NTRK3: variants seen among roughly 807,000 people sequenced by gnomAD.
NTRK3 encodes neurotrophic receptor tyrosine kinase 3.
In NTRK3, 24 loss-of-function variants were observed where a neutral mutation model predicts 91.7. That is an observed-to-expected ratio of 0.26 (90% CI 0.19 to 0.37). NTRK3 has a LOEUF of 0.37. Among genes scored for constraint, NTRK3 ranks in the 10% least tolerant of loss-of-function variants. The pLI is 1.00. For synonymous variants in NTRK3, 483 were observed against 404.0 expected, an observed-to-expected ratio of 1.20 and a Z score of -2.34; for missense variants, 880 against 1,068.9, an observed-to-expected ratio of 0.82 and a Z score of 2.46.
chr15:87,945,088 A>C (rs2070320160), intron 14 of NTRK3, among the ~76,000 whole-genome samples: 1 of 152,338 alleles, frequency 6.6e-6, no homozygotes, highest in East Asian at 1.9e-4. Flanking sequence ...AAGGGGAGGC[A>C]GGGAGGGGGA....
chr15:87,987,493 A>G (rs775409217), intron 14 of NTRK3, among the ~76,000 whole-genome samples: 5 of 151,794 alleles, frequency 3.3e-5, no homozygotes, highest in Non-Finnish European at 5.9e-5. Context: ...CTCTATCTAT[A>G]TATCTAGACA....
intron 14 of NTRK3, chr15:87,981,276 T>G (rs1472354184): frequency 1.3e-6 from 2 of 1,592,430 alleles, no homozygotes; most frequent in Non-Finnish European, 1.7e-6. Context: ...AGGTTCCTCA[T>G]ATATATAGTG....
rs151220799 is a variant in NTRK3, at chr15:88,226,085, C to T, written c.248+29821G>A. 5.3e-3 allele frequency among the ~76,000 whole-genome samples: 803 copies of T among 152,284 alleles called. 7 individuals are homozygous for T. Among genetic ancestry groups the T allele is most frequent in the Non-Finnish European group, 7.4e-3 (504 of 68,024 alleles). ...GTAGGAGTCTTCACTCTGTGATGTC[C>T]CCACTGTGCAACACCAGGCAAGTCC... On this transcript the variant is annotated intron_variant, in intron 3 of 18. Coordinates refer to ENST00000394480, the Ensembl canonical transcript of NTRK3.
At chr15:87,922,694 T>G (rs1420280719) in intron 17 of NTRK3, among the ~76,000 whole-genome samples, 1 of 152,230 alleles carries the variant, frequency 6.6e-6, no homozygotes, top group Non-Finnish European at 1.5e-5. Context: ...ATGTAACCCT[T>G]CTTTAGAAAA....
chr15:87,980,892 T>A lies in NTRK3; in HGVS notation c.1586-40139A>T, dbSNP rs1432512909. On this transcript the variant is annotated intron_variant, in intron 14 of 18. Transcript: ENST00000394480. ...ACAGCATCCCTGCCCTGACCCCAGATAAAGGTTATCTGGGGTATGAAGGAA... is the reference window on the plus strand; with the variant it reads ...ACAGCATCCCTGCCCTGACCCCAGAAAAAGGTTATCTGGGGTATGAAGGAA... Among the ~76,000 whole-genome samples the A allele has an allele frequency of 2.6e-5, 4 of 152,088 alleles. No homozygotes were observed. In the East Asian group the frequency reaches 7.7e-4, roughly 29 times the overall value.
intron 3 of NTRK3, among the ~76,000 whole-genome samples, chr15:88,207,292 T>C (rs139455568): frequency 6.6e-6 from 1 of 152,244 alleles, no homozygotes; most frequent in Non-Finnish European, 1.5e-5. Context: ...ATGAGCTGGG[T>C]GGTGGAACTG....
At chr15:88,073,729 G>T (rs1037127641) in intron 13 of NTRK3, among the ~76,000 whole-genome samples, 3 of 152,120 alleles carry the variant, frequency 2.0e-5, no homozygotes, top group African/African-American at 4.8e-5. Context: ...AGGCAAGAGA[G>T]AAAATCTAAG....
intron 13 of NTRK3, among the ~76,000 whole-genome samples, chr15:88,097,362 G>A (rs1464435925): frequency 2.0e-5 from 3 of 152,132 alleles, no homozygotes; most frequent in Admixed American, 6.5e-5. Flanking sequence ...TTATGTATAT[G>A]TCTACCTGAG....
At chr15:87,944,548 C>A (rs1429539563) in intron 14 of NTRK3, among the ~76,000 whole-genome samples, 6 of 152,166 alleles carry the variant, frequency 3.9e-5, no homozygotes, top group Admixed American at 3.9e-4. Context: ...CAAAGAAGGA[C>A]TCTCTTGTTT....
chr15:87,948,178 C>A lies in NTRK3; in HGVS notation c.1586-7425G>T, dbSNP rs191030761. On this transcript the variant is annotated intron_variant, in intron 14 of 18. Coordinates refer to ENST00000394480, the Ensembl canonical transcript of NTRK3. ...GCCCTTTGTAGGGGTCTCCAGCCAA[C>A]CCAGTCAGTTCTCCACCTGGACAGA... 5.9e-5 allele frequency among the ~76,000 whole-genome samples: 9 copies of A among 152,298 alleles called. No individual in the cohort carries two copies. The East Asian group carries it at 7.7e-4, about 13-fold the overall frequency.
At chr15:88,031,974 G>C (rs909698637) in intron 14 of NTRK3, among the ~76,000 whole-genome samples, 7 of 152,118 alleles carry the variant, frequency 4.6e-5, no homozygotes, top group African/African-American at 1.7e-4. Context: ...GTAAGGTGAG[G>C]CCTCAACCTA....
At chr15:88,007,665 C>T (rs903447444) in intron 14 of NTRK3, among the ~76,000 whole-genome samples, 2 of 152,176 alleles carry the variant, frequency 1.3e-5, no homozygotes, top group African/African-American at 4.8e-5. Context: ...TTGTCTTAAG[C>T]CTGTTTCCAG....
rs2073954729 is a variant in NTRK3, at chr15:87,978,894, G to A, written c.1586-38141C>T. Reference sequence around the variant, plus strand: ...GGTTGCAGGGCGACGAGGTCACTAAGAGGACAGCATGGTATCCTGGGAGAG... The same window carrying A: ...GGTTGCAGGGCGACGAGGTCACTAAAAGGACAGCATGGTATCCTGGGAGAG... On this transcript the variant is annotated intron_variant, in intron 14 of 18. Coordinates refer to ENST00000394480, the Ensembl canonical transcript of NTRK3. 1.1e-5 allele frequency: 3 copies of A among 279,624 alleles called. No individual in the cohort carries two copies. In the East Asian group the frequency reaches 1.6e-4, roughly 15 times the overall value. The allele number at this position is 279,624 out of a possible 1,614,324, so 17.3% of individuals were successfully genotyped here.
intron 6 of NTRK3, among the ~76,000 whole-genome samples, chr15:88,139,095 G>C (rs2042146722): frequency 6.6e-6 from 1 of 152,186 alleles, no homozygotes; most frequent in Admixed American, 6.5e-5. Flanking sequence ...CAGAGATGAA[G>C]AAGACAGTCC....
chr15:87,949,894 G>A (rs780739385), intron 14 of NTRK3, among the ~76,000 whole-genome samples: 7 of 152,144 alleles, frequency 4.6e-5, no homozygotes, highest in African/African-American at 7.2e-5. Flanking sequence ...CTCAGGCTCC[G>A]ACTGAGAATG....
At chr15:88,068,399 C>G (rs2046834589) in intron 13 of NTRK3, among the ~76,000 whole-genome samples, 1 of 151,992 alleles carries the variant, frequency 6.6e-6, no homozygotes, top group South Asian at 2.1e-4. Flanking sequence ...CCATTGCACT[C>G]CAGCCTGGGC....
chr15:87,867,995 T>C (rs1395024949), exon 19 of NTRK3: 1 of 230,116 alleles, frequency 4.3e-6, no homozygotes, highest in Non-Finnish European at 8.6e-6. Context: ...GTGCAGAAAG[T>C]CAAAGGGTAT....
intron 3 of NTRK3, among the ~76,000 whole-genome samples, chr15:88,219,973 C>T (rs1409693335): frequency 6.6e-6 from 1 of 152,206 alleles, no homozygotes; most frequent in Non-Finnish European, 1.5e-5. Flanking sequence ...TCTCTTGCTT[C>T]TGCTAGCCCA....
Position 87,976,236 on chromosome 15 carries a change from C to T in NTRK3, c.1586-35483G>A, listed in dbSNP as rs897980569. ...GGAACCCTCAAGAAGAGATAAATGC[C>T]GAGCTTGGTCTACCCCTCACCCAGG... On this transcript the variant is annotated intron_variant, in intron 14 of 18. Coordinates refer to ENST00000394480, the Ensembl canonical transcript of NTRK3. 3.9e-5 allele frequency among the ~76,000 whole-genome samples: 6 copies of T among 152,140 alleles called. No individual in the cohort carries two copies. In the East Asian group the frequency reaches 7.7e-4, roughly 20 times the overall value.
Sources: allele counts gnomAD v4.1 joint callset (sites outside exome capture counted in the v4.1 genomes callset), GRCh38; gene constraint gnomAD v4.1.1; transcripts MANE v1.5; gene names NCBI Gene and HGNC (gene_info 2026-07-23, HGNC 2026-07-21).